Variants in ELMO1 observed in about 807,000 individuals in gnomAD.
The protein encoded by ELMO1 is engulfment and cell motility protein 1.
In ELMO1, 26 loss-of-function variants were observed where a neutral mutation model predicts 98.9. The ratio of observed to expected loss-of-function variants is 0.26; its 90% CI spans 0.19 to 0.36. The LOEUF (loss-of-function observed/expected upper bound fraction) is 0.36, where lower values mean the gene tolerates loss of function less well. ELMO1 is among the 10% of genes least tolerant of loss of function. The pLI is 1.00. For synonymous variants in ELMO1, 346 were observed against 346.0 expected, an observed-to-expected ratio of 1.00 and a Z score of 0.00; for missense variants, 627 against 935.2, an observed-to-expected ratio of 0.67 and a Z score of 4.30.
intron 1 of ELMO1, among the ~76,000 whole-genome samples, chr7:37,381,714 C>T (rs1247668694): frequency 6.6e-6 from 1 of 152,224 alleles, no homozygotes. Context: ...CCAGTGTCCA[C>T]ACCTCTTCCC....
In ELMO1 at chr7:36,852,923, G is replaced by A. The variant is rs569059545; in HGVS notation, c.*2628C>T. 6.6e-6 allele frequency among the ~76,000 whole-genome samples: 1 copy of A among 152,316 alleles called. No homozygotes were observed. Among genetic ancestry groups the A allele is most frequent in the East Asian group, 1.9e-4 (1 of 5,192 alleles). On this transcript the variant is annotated 3_prime_UTR_variant, in exon 22 of 22. Transcript: ENST00000310758. ...TCAGCAGATTCAAATTAAGTAATCA[G>A]TTTTATTTTGAGTAATATGAATAGC...
At chr7:36,880,498 T>A (rs1804364142) in intron 18 of ELMO1, among the ~76,000 whole-genome samples, 1 of 152,240 alleles carries the variant, frequency 6.6e-6, no homozygotes, top group East Asian at 1.9e-4. Context: ...TCGAAAATTT[T>A]GCTGCTCTAC....
At chr7:37,025,895 T>TTCTATCTATCTACCTATCTA (rs1554395453) in intron 15 of ELMO1, among the ~76,000 whole-genome samples, 2 of 142,920 alleles carry the variant, frequency 1.4e-5, no homozygotes, top group African/African-American at 5.3e-5. Flanking sequence ...ATATTATATA[T>TTCTATCTATCTACCTATCTA]TCTATCTATC....
intron 11 of ELMO1, among the ~76,000 whole-genome samples, chr7:37,214,674 C>CA (rs11430892): frequency 0.28 from 43,277 of 151,952 alleles, 6,886 homozygotes; most frequent in African/African-American, 0.43. Context: ...AGCTAGATAA[C>CA]GGATGGTTAG....
intron 16 of ELMO1, among the ~76,000 whole-genome samples, chr7:37,005,107 C>CAAAAAAAAAAAAAAAAAAAAAAAAAAAA (rs35665315): frequency 5.2e-5 from 2 of 38,292 alleles, no homozygotes; most frequent in Non-Finnish European, 6.2e-5. Context: ...GGCTCTGTCT[C>CAAAAAAAAAAAAAAAAAAAAAAAAAAAA]AAAAAAAAAA....
chr7:37,296,617 C>G (rs2392490), intron 4 of ELMO1, among the ~76,000 whole-genome samples: 75,138 of 151,750 alleles, frequency 0.5, 19,032 homozygotes, highest in East Asian at 0.7. Flanking sequence ...GGGTGTGTAA[C>G]ACTAGGGGTG....
At chr7:37,126,606 T>C (rs1436330243) in intron 14 of ELMO1, among the ~76,000 whole-genome samples, 7 of 152,174 alleles carry the variant, frequency 4.6e-5, no homozygotes, top group Non-Finnish European at 1.0e-4. Context: ...AACTTGATAG[T>C]TGTGCCCAGC....
intron 16 of ELMO1, among the ~76,000 whole-genome samples, chr7:36,994,658 G>C (rs1304519214): frequency 6.6e-6 from 1 of 152,178 alleles, no homozygotes; most frequent in Non-Finnish European, 1.5e-5. Flanking sequence ...AGAGGGACTA[G>C]GGTGCTCTGT....
At chr7:37,297,682 T>G (rs543746858) in intron 4 of ELMO1, among the ~76,000 whole-genome samples, 3 of 151,304 alleles carry the variant, frequency 2.0e-5, no homozygotes, top group East Asian at 3.9e-4. Flanking sequence ...CTTCAAGAAT[T>G]GAGTTGAATT....
intron 14 of ELMO1, among the ~76,000 whole-genome samples, chr7:37,103,771 C>T (rs1382397308): frequency 1.3e-5 from 2 of 151,464 alleles, no homozygotes; most frequent in South Asian, 2.1e-4. Context: ...CCGAGGCAGG[C>T]GGATCATGAG....
intron 4 of ELMO1, among the ~76,000 whole-genome samples, chr7:37,304,844 T>G (rs1233917244): frequency 6.6e-6 from 1 of 152,228 alleles, no homozygotes; most frequent in African/African-American, 2.4e-5. Context: ...TTGTTTTAAG[T>G]GGCTTGTTTT....
chr7:37,009,178 T>C (rs1793371229), intron 16 of ELMO1, among the ~76,000 whole-genome samples: 1 of 152,200 alleles, frequency 6.6e-6, no homozygotes, highest in Non-Finnish European at 1.5e-5. Flanking sequence ...AGGATTTCAA[T>C]GAAATGATTA....
chr7:36,952,801 TAC>T (rs1788078449), intron 16 of ELMO1, among the ~76,000 whole-genome samples: 1 of 151,294 alleles, frequency 6.6e-6, no homozygotes, highest in Admixed American at 6.6e-5. Context: ...GAAAAAAAAA[TAC>T]ACAGAGAGCA....
At chr7:37,202,061 C>CA (rs1755248915) in intron 13 of ELMO1, among the ~76,000 whole-genome samples, 2 of 152,172 alleles carry the variant, frequency 1.3e-5, no homozygotes, top group Non-Finnish European at 2.9e-5. Context: ...CTAGGACTGG[C>CA]AGAGCTTCCC....
intron 13 of ELMO1, among the ~76,000 whole-genome samples, chr7:37,206,594 A>G (rs984333762): frequency 1.3e-5 from 2 of 152,232 alleles, no homozygotes; most frequent in African/African-American, 4.8e-5. Context: ...AATTTTGTGT[A>G]ATTATACTTG....
intron 13 of ELMO1, among the ~76,000 whole-genome samples, chr7:37,159,697 T>A: frequency 6.6e-6 from 1 of 150,750 alleles, no homozygotes; most frequent in South Asian, 2.1e-4. Context: ...AGACTCTGTC[T>A]CAAAAAATAA....
At chr7:37,208,660 T>C (rs10272131) in intron 13 of ELMO1, among the ~76,000 whole-genome samples, 29,388 of 152,138 alleles carry the variant, frequency 0.19, 3,193 homozygotes, top group Middle Eastern at 0.28. Context: ...CGTCTCTAGG[T>C]GGTGCAATGA....
At chr7:37,382,326 T>C (rs1802612247) in intron 1 of ELMO1, among the ~76,000 whole-genome samples, 1 of 152,250 alleles carries the variant, frequency 6.6e-6, no homozygotes, top group Non-Finnish European at 1.5e-5. Flanking sequence ...TCACCCGTAT[T>C]TCCCAAATAG....
chr7:37,190,532 C>G (rs1791500947), intron 13 of ELMO1, among the ~76,000 whole-genome samples: 1 of 149,984 alleles, frequency 6.7e-6, no homozygotes. Flanking sequence ...AAGTCTCACT[C>G]TGTCACCCAG....
Sources: gnomAD v4.1 joint callset for allele counts (sites outside exome capture counted in the v4.1 genomes callset) on GRCh38, gnomAD v4.1.1 for gene constraint, MANE v1.5 for transcripts, NCBI Gene and HGNC (gene_info 2026-07-23, HGNC 2026-07-21) for gene names.